KPNA4: variants seen among roughly 807,000 people sequenced by gnomAD.
The protein encoded by KPNA4 is karyopherin subunit alpha 4, also known as importin subunit alpha-3.
A neutral mutation model predicts 71.3 loss-of-function variants in KPNA4; 13 were observed. That is an observed-to-expected ratio of 0.18 (90% CI 0.12 to 0.29). The LOEUF (loss-of-function observed/expected upper bound fraction) is 0.29, where lower values mean the gene tolerates loss of function less well. Ranked by LOEUF, KPNA4 falls within the 10% of genes least tolerant of loss-of-function variation. KPNA4 has a pLI of 1.00. For missense variants in KPNA4, 334 were observed against 603.2 expected (o/e 0.55, Z 4.67); for synonymous variants, 189 against 195.2 (o/e 0.97, Z 0.26).
chr3:160,560,395 C>G (rs546479781), intron 1 of KPNA4, among the ~76,000 whole-genome samples: 1 of 152,054 alleles, frequency 6.6e-6, no homozygotes, highest in African/African-American at 2.4e-5. Flanking sequence ...AGTCATATTC[C>G]TCTTTTCTGT....
chr3:160,502,158 T>A lies in KPNA4; in HGVS notation c.1512A>T (p.Gly504=). The change falls in exon 17 of 17, where the codon GGA becomes GGT. Residue 504 remains glycine (G), a synonymous_variant. Coordinates refer to ENST00000334256, the MANE Select transcript of KPNA4 (RefSeq NM_002268.5). The part of the protein sequence containing the change: ...PSLVPEAIQG[G]TFGFNSSANV... ...TGGCAGATGAATTGAAACCAAATGT[T>A]CCGCCTTGAATTGCCTCTGGAACAA... 6.2e-7 allele frequency: 1 copy of A among 1,600,564 alleles called. No individual in the cohort carries two copies. The highest frequency in any genetic ancestry group is 8.5e-7 in the Non-Finnish European group (1 of 1,171,510).
chr3:160,546,579 C>A (rs1211943841), intron 1 of KPNA4, among the ~76,000 whole-genome samples: 2 of 152,132 alleles, frequency 1.3e-5, no homozygotes, highest in Non-Finnish European at 2.9e-5. Flanking sequence ...TTTAAGGAAC[C>A]ACAATCAACT....
At chr3:160,558,966 T>A (rs545427759) in intron 1 of KPNA4, among the ~76,000 whole-genome samples, 1 of 152,260 alleles carries the variant, frequency 6.6e-6, no homozygotes, top group South Asian at 2.1e-4. Flanking sequence ...TTTCTAATTG[T>A]GTGAAAAAAA....
intron 5 of KPNA4, among the ~76,000 whole-genome samples, chr3:160,534,873 A>C (rs1721654144): frequency 6.6e-6 from 1 of 151,384 alleles, no homozygotes; most frequent in South Asian, 2.1e-4. Flanking sequence ...ACAGGTGCCC[A>C]CAACCATGCT....
intron 1 of KPNA4, among the ~76,000 whole-genome samples, chr3:160,560,480 T>A (rs1001426353): frequency 2.0e-5 from 3 of 152,080 alleles, no homozygotes; most frequent in Admixed American, 2.0e-4. Flanking sequence ...CTTGTTTCAT[T>A]CATCATTATA....
chr3:160,518,281 G>A (rs866167689), intron 11 of KPNA4, among the ~76,000 whole-genome samples: 13 of 151,486 alleles, frequency 8.6e-5, no homozygotes, highest in Admixed American at 1.3e-4. Context: ...GACTACAGGC[G>A]CCCGCTACCA....
chr3:160,503,365 C>A (rs1720919807), intron 16 of KPNA4, among the ~76,000 whole-genome samples: 1 of 151,984 alleles, frequency 6.6e-6, no homozygotes, highest in South Asian at 2.1e-4. Flanking sequence ...CAATATGATG[C>A]TCAAAGGAAA....
chr3:160,525,573 T>C (rs1412877151), intron 10 of KPNA4, among the ~76,000 whole-genome samples: 3 of 152,192 alleles, frequency 2.0e-5, no homozygotes, highest in Non-Finnish European at 4.4e-5. Flanking sequence ...ATAACAGTTA[T>C]GCTTGATTTC....
chr3:160,506,852 T>C (rs1328145939), intron 15 of KPNA4, among the ~76,000 whole-genome samples: 4 of 152,232 alleles, frequency 2.6e-5, no homozygotes, highest in Non-Finnish European at 5.9e-5. Context: ...GTTGTTGCTC[T>C]ATGAGTCACT....
At chr3:160,537,610 G>A (rs1340811681) in intron 1 of KPNA4, among the ~76,000 whole-genome samples, 1 of 148,286 alleles carries the variant, frequency 6.7e-6, no homozygotes, top group African/African-American at 2.5e-5. Flanking sequence ...TGTGTATTAC[G>A]TAGCGGTAAC....
chr3:160,528,822 T>C (rs1721512321), intron 7 of KPNA4, among the ~76,000 whole-genome samples: 1 of 152,238 alleles, frequency 6.6e-6, no homozygotes, highest in African/African-American at 2.4e-5. Flanking sequence ...AACAAAATAC[T>C]GCACTGAACA....
chr3:160,524,507 A>G (rs1379263915), intron 10 of KPNA4, among the ~76,000 whole-genome samples: 1 of 151,678 alleles, frequency 6.6e-6, no homozygotes, highest in Non-Finnish European at 1.5e-5. Flanking sequence ...ATGCCTGGCT[A>G]ATTTTTTGGT....
chr3:160,530,603 T>C (rs573629724), intron 7 of KPNA4, among the ~76,000 whole-genome samples: 1 of 152,306 alleles, frequency 6.6e-6, no homozygotes, highest in African/African-American at 2.4e-5. Context: ...ACAATAATAA[T>C]GTAATCTGCT....
Position 160,500,125 on chromosome 3 carries a change from T to C in KPNA4, c.*1979A>G, listed in dbSNP as rs1577042371. 1 of 142,452 alleles carries C rather than the reference T, an allele frequency of 7.0e-6. No homozygotes were observed. Among genetic ancestry groups the C allele is most frequent in the Non-Finnish European group, 1.5e-5 (1 of 64,660 alleles). The allele number at this position is 142,452 out of a possible 1,614,324, so 8.8% of individuals were successfully genotyped here. On this transcript the variant is annotated 3_prime_UTR_variant, in exon 17 of 17. Transcript: ENST00000334256. ...GCCATTGAATTATACTCTAACTTTA[T>C]AAAAAAAAAAAAATCCACACACCAC...
At chr3:160,559,293 A>G (rs1272647264) in intron 1 of KPNA4, among the ~76,000 whole-genome samples, 1 of 152,158 alleles carries the variant, frequency 6.6e-6, no homozygotes, top group Non-Finnish European at 1.5e-5. Flanking sequence ...AGAAAAAAAA[A>G]TTGAGCTTCC....
At chr3:160,561,290 TA>T (rs1423791169) in intron 1 of KPNA4, among the ~76,000 whole-genome samples, 3 of 152,076 alleles carry the variant, frequency 2.0e-5, no homozygotes, top group Non-Finnish European at 2.9e-5. Flanking sequence ...CCCTCTACTT[TA>T]AAAAACATAA....
At chr3:160,517,073 A>G (rs1052315860) in intron 11 of KPNA4, among the ~76,000 whole-genome samples, 2 of 151,986 alleles carry the variant, frequency 1.3e-5, no homozygotes, top group African/African-American at 4.8e-5. Context: ...CTAATTCCAG[A>G]ACACTTTGAT....
chr3:160,538,723 T>C (rs796280405), intron 1 of KPNA4, among the ~76,000 whole-genome samples: 43 of 152,244 alleles, frequency 2.8e-4, no homozygotes, highest in African/African-American at 1.0e-3. Context: ...CCTTAGCTCC[T>C]ACCATTATCT....
At chr3:160,564,325 C>T (rs918616638) in intron 1 of KPNA4, 1 of 152,084 alleles carries the variant, frequency 6.6e-6, no homozygotes, top group Non-Finnish European at 1.5e-5. Flanking sequence ...GTGCCATTCC[C>T]TAGCCCACCC....
Sources: gnomAD v4.1 joint callset for allele counts (sites outside exome capture counted in the v4.1 genomes callset) on GRCh38, gnomAD v4.1.1 for gene constraint, MANE v1.5 for transcripts, NCBI Gene and HGNC (gene_info 2026-07-23, HGNC 2026-07-21) for gene names.